The following EYS variants were observed in gnomAD, a reference collection of about 807,000 sequenced individuals.
EYS encodes EGF-like photoreceptor maintenance factor.
EYS carries 250 observed loss-of-function variants against 282.1 expected under a neutral mutation model. That is an observed-to-expected ratio of 0.89 (90% confidence interval 0.80 to 0.98). EYS has a LOEUF of 0.98. EYS is among the 50% of genes least tolerant of loss of function. EYS has a pLI of 0.00. For missense variants in EYS, 4,016 were observed against 3,709.0 expected (o/e 1.08, Z -2.15); for synonymous variants, 1,355 against 1,282.9 (o/e 1.06, Z -1.20).
intron 2 of EYS, among the ~76,000 whole-genome samples, chr6:65,620,267 C>T (rs1007846517): frequency 1.3e-5 from 2 of 152,072 alleles, no homozygotes; most frequent in Non-Finnish European, 1.5e-5. Context: ...TCAGCTTCTT[C>T]CTGGTTTAGT....
At chr6:65,368,000 G>A (rs961580333) in intron 8 of EYS, among the ~76,000 whole-genome samples, 3 of 151,612 alleles carry the variant, frequency 2.0e-5, no homozygotes, top group African/African-American at 7.2e-5. Flanking sequence ...TCACAGTTCA[G>A]CATGGGTGGG....
chr6:64,743,435 A>G (rs1772442136), intron 22 of EYS, among the ~76,000 whole-genome samples: 1 of 152,132 alleles, frequency 6.6e-6, no homozygotes, highest in Non-Finnish European at 1.5e-5. Flanking sequence ...TTTATTGGTT[A>G]TAGAAATAGT....
At chr6:64,405,493 GAAAT>G (rs1773677747) in intron 28 of EYS, among the ~76,000 whole-genome samples, 1 of 152,132 alleles carries the variant, frequency 6.6e-6, no homozygotes, top group Non-Finnish European at 1.5e-5. Flanking sequence ...TCAAGCAAGA[GAAAT>G]AAATAAAGTA....
chr6:64,942,500 G>T lies in EYS; in HGVS notation c.2381+3293C>A, dbSNP rs535454514. On this transcript the variant is annotated intron_variant, in intron 15 of 42. Coordinates refer to ENST00000503581, the MANE Select transcript of EYS (RefSeq NM_001142800.2). ...CATTAACAAAGAAAAAACGACAGAA[G>T]ATCCAAATAAGTACAGTCAGAGATG... Among the ~76,000 whole-genome samples, 1,001 of 144,760 alleles carry T rather than the reference G, an allele frequency of 6.9e-3. 13 individuals are homozygous for T. Among genetic ancestry groups the T allele is most frequent in the Middle Eastern group, 0.025 (7 of 284 alleles). 95.0% of individuals were successfully genotyped at this position (144,760 alleles called of 152,430 possible).
At chr6:64,094,576 G>T (rs892207693) in intron 31 of EYS, among the ~76,000 whole-genome samples, 1 of 152,124 alleles carries the variant, frequency 6.6e-6, no homozygotes, top group Non-Finnish European at 1.5e-5. Flanking sequence ...ATGGTAGTTT[G>T]TATTTCTGTG....
Position 64,940,682 on chromosome 6 carries a change from T to C in EYS, c.2381+5111A>G, listed in dbSNP as rs562578057. Among the ~76,000 whole-genome samples, 7 of 152,190 alleles carry C rather than the reference T, an allele frequency of 4.6e-5. No homozygotes were observed. The East Asian group carries it at 1.4e-3, about 30-fold the overall frequency. On this transcript the variant is annotated intron_variant, in intron 15 of 42. Coordinates refer to ENST00000503581, the MANE Select transcript of EYS (RefSeq NM_001142800.2). ...TACTGGCATTGTGAGTTTTCCTATA[T>C]TACCAAAATTATTTATTTATCTTTT...
intron 42 of EYS, among the ~76,000 whole-genome samples, chr6:63,724,504 TTATAAC>T (rs1252411864): frequency 1.3e-5 from 2 of 152,174 alleles, no homozygotes; most frequent in Non-Finnish European, 2.9e-5. Flanking sequence ...GTTGGGAGGA[TTATAAC>T]TATATCAGAT....
intron 13 of EYS, among the ~76,000 whole-genome samples, chr6:65,013,070 C>T (rs556507266): frequency 1.3e-5 from 2 of 152,162 alleles, no homozygotes; most frequent in South Asian, 2.1e-4. Flanking sequence ...CAAACATCTA[C>T]TCATGCAGAA....
intron 28 of EYS, among the ~76,000 whole-genome samples, chr6:64,425,442 G>A (rs1370886496): frequency 6.6e-6 from 1 of 151,980 alleles, no homozygotes; most frequent in Non-Finnish European, 1.5e-5. Flanking sequence ...ATCACCCAAG[G>A]TCAAGAGTTT....
chr6:63,894,365 G>C (rs996915505), intron 35 of EYS, among the ~76,000 whole-genome samples: 2 of 152,098 alleles, frequency 1.3e-5, no homozygotes, highest in African/African-American at 4.8e-5. Flanking sequence ...CAGACATACA[G>C]AGACGTCCAT....
At chr6:63,836,554 G>T (rs558837842) in intron 36 of EYS, among the ~76,000 whole-genome samples, 1 of 151,692 alleles carries the variant, frequency 6.6e-6, no homozygotes, top group Non-Finnish European at 1.5e-5. Context: ...AATGGTCAGC[G>T]GTAGAAAAAG....
At chr6:63,891,218 C>T (rs1406625655) in intron 35 of EYS, among the ~76,000 whole-genome samples, 4 of 152,140 alleles carry the variant, frequency 2.6e-5, no homozygotes, top group Non-Finnish European at 2.9e-5. Flanking sequence ...AAGAGGGTTT[C>T]CACCCTAACT....
intron 5 of EYS, among the ~76,000 whole-genome samples, chr6:65,473,758 A>C (rs1765300427): frequency 6.6e-6 from 1 of 151,906 alleles, no homozygotes; most frequent in African/African-American, 2.4e-5. Flanking sequence ...GTGACATTGA[A>C]GTCCTTGAAC....
At chr6:64,372,128 G>GCGTTTTTTTTTT in intron 29 of EYS, among the ~76,000 whole-genome samples, 1 of 75,966 alleles carries the variant, frequency 1.3e-5, no homozygotes, top group East Asian at 4.8e-4. Flanking sequence ...CTGTATACTT[G>GCGTTTTTTTTTT]TGTTTTTTTT....
At chr6:64,122,292 T>C (rs866125753) in intron 31 of EYS, among the ~76,000 whole-genome samples, 2 of 152,296 alleles carry the variant, frequency 1.3e-5, no homozygotes, top group Non-Finnish European at 2.9e-5. Flanking sequence ...ACCACTTTCA[T>C]AGCATAGCAT....
intron 22 of EYS, among the ~76,000 whole-genome samples, chr6:64,757,464 A>C (rs1408484548): frequency 6.6e-6 from 1 of 152,152 alleles, no homozygotes; most frequent in Non-Finnish European, 1.5e-5. Context: ...GAGGAGTGGC[A>C]CATTAAATAC....
intron 26 of EYS, among the ~76,000 whole-genome samples, chr6:64,479,166 T>C (rs942328323): frequency 6.6e-5 from 10 of 152,010 alleles, no homozygotes; most frequent in Non-Finnish European, 1.3e-4. Context: ...ATCAAGAGAT[T>C]AGCATTACAG....
chr6:64,316,458 T>A (rs949253175), intron 29 of EYS, among the ~76,000 whole-genome samples: 2 of 152,018 alleles, frequency 1.3e-5, no homozygotes, highest in Non-Finnish European at 2.9e-5. Context: ...GAACTCCCAT[T>A]CACAGTTGCT....
chr6:65,430,352 C>G (rs1279403304), intron 5 of EYS, among the ~76,000 whole-genome samples: 1 of 152,096 alleles, frequency 6.6e-6, no homozygotes, highest in South Asian at 2.1e-4. Flanking sequence ...TTTAAACAAC[C>G]CTAGCCAGAG....
Sources: allele counts gnomAD v4.1 joint callset (sites outside exome capture counted in the v4.1 genomes callset), GRCh38; gene constraint gnomAD v4.1.1; transcripts MANE v1.5; gene names NCBI Gene and HGNC (gene_info 2026-07-23, HGNC 2026-07-21).